The following SOX5 variants were observed in gnomAD, a reference collection of about 807,000 sequenced individuals.
SOX5 encodes the protein transcription factor SOX-5.
A neutral mutation model predicts 92.0 loss-of-function variants in SOX5; 9 were observed. The ratio of observed to expected loss-of-function variants is 0.10; its 90% CI spans 0.06 to 0.17. The LOEUF (loss-of-function observed/expected upper bound fraction) is 0.17. Ranked by LOEUF, SOX5 falls within the 10% of genes least tolerant of loss-of-function variation. The probability of loss-of-function intolerance (pLI) is 1.00; values close to 1 mark genes in which losing one functional copy is unlikely to be tolerated. For synonymous variants in SOX5, 344 were observed against 336.3 expected (o/e 1.02, Z -0.25); for missense variants, 642 against 944.5 (o/e 0.68, Z 4.20).
At chr12:24,354,063 T>C (rs1007731101) in intron 2 of SOX5, among the ~76,000 whole-genome samples, 19 of 152,244 alleles carry the variant, frequency 1.2e-4, no homozygotes, top group Admixed American at 9.2e-4. Flanking sequence ...ATAAGTCTTA[T>C]AGATTAGATT....
At chr12:23,699,621 C>T (rs890819556) in intron 6 of SOX5, among the ~76,000 whole-genome samples, 10 of 152,152 alleles carry the variant, frequency 6.6e-5, no homozygotes, top group South Asian at 4.1e-4. Flanking sequence ...AGTGGTAGTG[C>T]TAAATACTTC....
At chr12:24,078,288 G>A (rs944119518) in intron 4 of SOX5, among the ~76,000 whole-genome samples, 3 of 151,950 alleles carry the variant, frequency 2.0e-5, no homozygotes, top group Non-Finnish European at 2.9e-5. Context: ...TGAAGTGGGC[G>A]TGATAATACA....
intron 8 of SOX5, among the ~76,000 whole-genome samples, chr12:23,632,831 G>C (rs534988106): frequency 2.6e-5 from 4 of 152,190 alleles, no homozygotes; most frequent in Non-Finnish European, 5.9e-5. Flanking sequence ...CTCTATTCCA[G>C]AGAATGCATG....
In SOX5 at chr12:23,897,760, T is replaced by G. The variant is rs78380450; in HGVS notation, c.39-1736A>C. Among the ~76,000 whole-genome samples, 43 of 152,246 alleles carry G rather than the reference T, an allele frequency of 2.8e-4. No homozygotes were observed. In the East Asian group the frequency reaches 7.3e-3, roughly 26 times the overall value. Reference sequence around the variant, plus strand: ...AATACTTAACAGTAAACCGATCAGATGTAATAGCAAGTGTTCAAAACAAAA... The same window carrying G: ...AATACTTAACAGTAAACCGATCAGAGGTAATAGCAAGTGTTCAAAACAAAA... On this transcript the variant is annotated intron_variant, in intron 1 of 14. Transcript: ENST00000451604.
rs535977477 is a variant in SOX5, at chr12:23,679,984, G to C, written c.811-14420C>G. Among the ~76,000 whole-genome samples, 11 of 151,654 alleles carry C rather than the reference G, an allele frequency of 7.3e-5. No individual in the cohort carries two copies. The South Asian group carries it at 8.3e-4, about 11-fold the overall frequency. On this transcript the variant is annotated intron_variant, in intron 6 of 14. Transcript: ENST00000451604. ...ACAAGTAAAAAAAAACTTGAAAGAA[G>C]TTCAGGAAGATTTGAAAAATAATTG...
rs574647562 is a variant in SOX5 at position 24,518,507 on chromosome 12, G to T, written c.-251+43822C>A. ...AGGTCATTTTTCTTTCCTTCAGAAA[G>T]TACAGAGAATCACTTATATCTCAGC... On this transcript the variant is annotated intron_variant, in intron 1 of 4. Coordinates refer to the SOX5 transcript ENST00000446891. Among the ~76,000 whole-genome samples the T allele has an allele frequency of 1.2e-4, 19 of 152,236 alleles. No homozygotes were observed. The East Asian group carries it at 2.9e-3, about 23-fold the overall frequency.
At chr12:24,520,117 C>T (rs960915678) in intron 1 of SOX5, among the ~76,000 whole-genome samples, 1 of 151,668 alleles carries the variant, frequency 6.6e-6, no homozygotes, top group African/African-American at 2.4e-5. Flanking sequence ...GATAAAAAGA[C>T]TTTCCCAGAC....
intron 4 of SOX5, among the ~76,000 whole-genome samples, chr12:23,972,980 T>A (rs1591951757): frequency 6.6e-6 from 1 of 151,828 alleles, no homozygotes; most frequent in Non-Finnish European, 1.5e-5. Flanking sequence ...TACCACTCCC[T>A]CCCCCCAAGC....
intron 3 of SOX5, among the ~76,000 whole-genome samples, chr12:23,813,435 C>T (rs183315555): frequency 6.6e-6 from 1 of 152,100 alleles, no homozygotes; most frequent in African/African-American, 2.4e-5. Flanking sequence ...AAGGAGGGTG[C>T]AGATGCATCG....
At chr12:24,343,423 CAAAAT>C (rs1415976260) in intron 2 of SOX5, among the ~76,000 whole-genome samples, 1 of 150,814 alleles carries the variant, frequency 6.6e-6, no homozygotes, top group Admixed American at 6.6e-5. Context: ...ACTGAGGACA[CAAAAT>C]AAATTTATTT....
At chr12:24,170,315 T>G (rs535027560) in intron 4 of SOX5, among the ~76,000 whole-genome samples, 2 of 152,234 alleles carry the variant, frequency 1.3e-5, no homozygotes, top group South Asian at 4.2e-4. Flanking sequence ...TCTGCATTAG[T>G]CAGTGCAAAG....
chr12:24,225,449 A>G (rs1961679714), intron 3 of SOX5, among the ~76,000 whole-genome samples: 1 of 151,346 alleles, frequency 6.6e-6, no homozygotes, highest in Non-Finnish European at 1.5e-5. Context: ...AGGAAAAGCC[A>G]TTAGTTGAGT....
At chr12:24,545,227 TG>T (rs1482322221) in intron 1 of SOX5, among the ~76,000 whole-genome samples, 1 of 152,184 alleles carries the variant, frequency 6.6e-6, no homozygotes, top group Non-Finnish European at 1.5e-5. Context: ...AATGTTGCCT[TG>T]GTTTCATTCC....
At chr12:23,677,019 A>G (rs2139706951) in intron 6 of SOX5, among the ~76,000 whole-genome samples, 1 of 152,318 alleles carries the variant, frequency 6.6e-6, no homozygotes, top group South Asian at 2.1e-4. Context: ...TCACTATTAT[A>G]AAAGTCTTAT....
chr12:23,552,106 G>T (rs918564769), intron 11 of SOX5, among the ~76,000 whole-genome samples: 103 of 151,884 alleles, frequency 6.8e-4, no homozygotes, highest in African/African-American at 2.2e-3. Flanking sequence ...CCTTATTAAT[G>T]ATTTTCAAAG....
chr12:23,945,232 C>G (rs1343079454), intron 1 of SOX5, among the ~76,000 whole-genome samples: 1 of 152,114 alleles, frequency 6.6e-6, no homozygotes, highest in East Asian at 1.9e-4. Context: ...CAGAACAGGT[C>G]TTATTATATG....
chr12:24,295,922 A>G lies in SOX5; in HGVS notation c.-173-18610T>C, dbSNP rs116385544. 6.0e-3 allele frequency among the ~76,000 whole-genome samples: 912 copies of G among 152,148 alleles called. 7 individuals carry two copies. The highest frequency in any genetic ancestry group is 0.021 in the African/African-American group (865 of 41,526). On this transcript the variant is annotated intron_variant, in intron 2 of 4. Coordinates refer to the SOX5 transcript ENST00000446891. ...GGTGTATCTAATATGCTGCCTATAG[A>G]CTATATGAATCAGGACCTGTGTGCG...
At chr12:23,677,789 T>C (rs1229634639) in intron 6 of SOX5, among the ~76,000 whole-genome samples, 1 of 152,202 alleles carries the variant, frequency 6.6e-6, no homozygotes, top group African/African-American at 2.4e-5. Flanking sequence ...GTTTGTAGCA[T>C]GCAGAGTATA....
intron 2 of SOX5, among the ~76,000 whole-genome samples, chr12:23,879,978 CATG>C: frequency 6.6e-6 from 1 of 152,130 alleles, no homozygotes; most frequent in East Asian, 1.9e-4. Context: ...GAAGATATTT[CATG>C]ATAACAAAAT....
Sources: gnomAD v4.1 joint callset for allele counts (sites outside exome capture counted in the v4.1 genomes callset) on GRCh38, gnomAD v4.1.1 for gene constraint, MANE v1.5 for transcripts, NCBI Gene and HGNC (gene_info 2026-07-23, HGNC 2026-07-21) for gene names.